Variants in PTGES3 observed in about 807,000 individuals in gnomAD.
The protein encoded by PTGES3 is prostaglandin E synthase 3, also known as Hsp90 co-chaperone.
PTGES3 carries 5 observed loss-of-function variants against 29.9 expected under a neutral mutation model. The ratio of observed to expected loss-of-function variants is 0.17; its 90% CI spans 0.09 to 0.35. The LOEUF is 0.35. Among genes scored for constraint, PTGES3 ranks in the 10% least tolerant of loss-of-function variants. The probability of loss-of-function intolerance (pLI) is 1.00; values close to 1 mark genes in which losing one functional copy is unlikely to be tolerated. For synonymous variants in PTGES3, 49 were observed against 57.8 expected (o/e 0.85, Z 0.69); for missense variants, 128 against 190.0 (o/e 0.67, Z 1.92).
At chr12:56,685,048 G>C (rs2137733981) in intron 1 of PTGES3, among the ~76,000 whole-genome samples, 1 of 152,220 alleles carries the variant, frequency 6.6e-6, no homozygotes. Context: ...CTTGAGCCCG[G>C]GAGGTAGAGG....
intron 1 of PTGES3, among the ~76,000 whole-genome samples, chr12:56,675,008 A>G (rs1313526619): frequency 1.4e-5 from 2 of 143,632 alleles, no homozygotes; most frequent in South Asian, 4.5e-4. Flanking sequence ...CGGTCTCAAA[A>G]AAAAAAAAAA....
At chr12:56,666,547 A>AC (rs1190095346) in intron 5 of PTGES3, among the ~76,000 whole-genome samples, 1 of 152,156 alleles carries the variant, frequency 6.6e-6, no homozygotes, top group Non-Finnish European at 1.5e-5. Context: ...AGTAGTGGTT[A>AC]CCTCTGGTGG....
Position 56,685,389 on chromosome 12 carries a change from TTTTTC to T in PTGES3, c.2+2604_2+2608del, listed in dbSNP as rs371687687. ...GAATCACTCGTTTTGAAGGTAGCAT[TTTTTC>T]TTTTCTTTTTTTTTTTTTTTTTTTT... On this transcript the variant is annotated intron_variant, in intron 1 of 7. Transcript: ENST00000262033. Among the ~76,000 whole-genome samples the T allele has an allele frequency of 4.9e-3, 627 of 128,994 alleles. 6 individuals are homozygous for T. The highest frequency in any genetic ancestry group is 0.015 in the African/African-American group (532 of 34,542). The allele number at this position is 128,994 out of a possible 152,430, so 84.6% of individuals were successfully genotyped here.
At chr12:56,685,984 C>T (rs1952825033) in intron 1 of PTGES3, among the ~76,000 whole-genome samples, 1 of 151,920 alleles carries the variant, frequency 6.6e-6, no homozygotes, top group Non-Finnish European at 1.5e-5. Context: ...ACCATATTGG[C>T]CAGGCTGGTC....
At chr12:56,666,352 A>G (rs1951786614) in intron 5 of PTGES3, 86 bp from the exon 6 acceptor site, 5 of 1,465,108 alleles carry the variant, frequency 3.4e-6, no homozygotes, top group East Asian at 5.1e-5. Flanking sequence ...ATAAACCTTA[A>G]GTCTGCCACA....
At chr12:56,686,268 C>G (rs1303353526) in intron 1 of PTGES3, among the ~76,000 whole-genome samples, 1 of 152,176 alleles carries the variant, frequency 6.6e-6, no homozygotes, top group African/African-American at 2.4e-5. Context: ...CAAAAAATTT[C>G]CCCTTACAGA....
chr12:56,688,075 C>A lies in PTGES3; in HGVS notation c.-76G>T, dbSNP rs922256768. The A allele has an allele frequency of 6.9e-7, 1 of 1,447,248 alleles. No individual in the cohort carries two copies. Among genetic ancestry groups the A allele is most frequent in the East Asian group, 2.7e-5 (1 of 36,408 alleles). The allele number at this position is 1,447,248 out of a possible 1,614,324, so 89.7% of individuals were successfully genotyped here. ...GCGGCTGCTGCTAGGGAGTCGACTT[C>A]TCTCCGGTGGCGACTCCGCTTTTTC... On this transcript the variant is annotated 5_prime_UTR_variant, in exon 1 of 8. Coordinates refer to ENST00000262033, the MANE Select transcript of PTGES3 (RefSeq NM_006601.7).
intron 1 of PTGES3, among the ~76,000 whole-genome samples, chr12:56,676,349 GTAAC>G (rs368545670): frequency 6.6e-6 from 1 of 151,716 alleles, no homozygotes; most frequent in African/African-American, 2.4e-5. Context: ...TTATTGCAAA[GTAAC>G]TAACCATGTC....
rs771409223 is a variant in PTGES3, at chr12:56,663,398, T to G, written c.*1081A>C. 4 of 152,198 alleles carry G rather than the reference T, an allele frequency of 2.6e-5. No homozygotes were observed. Among genetic ancestry groups the G allele is most frequent in the Admixed American group, 6.5e-5 (1 of 15,278 alleles). The allele number at this position is 152,198 out of a possible 1,614,324, so 9.4% of individuals were successfully genotyped here. On this transcript the variant is annotated 3_prime_UTR_variant, in exon 8 of 8. Coordinates refer to ENST00000262033, the MANE Select transcript of PTGES3 (RefSeq NM_006601.7). ...TTATTTCAATCAAATCACACAACAC[T>G]TTCTTTTCCAACTGCTGCAAAGTGC...
chr12:56,673,954 ACT>A (rs1282840023), intron 1 of PTGES3, among the ~76,000 whole-genome samples: 1 of 151,836 alleles, frequency 6.6e-6, no homozygotes, highest in Non-Finnish European at 1.5e-5. Flanking sequence ...GGCAACAGAG[ACT>A]CTGTCTCAAA....
At chr12:56,685,696 G>A (rs1306040714) in intron 1 of PTGES3, among the ~76,000 whole-genome samples, 2 of 150,974 alleles carry the variant, frequency 1.3e-5, no homozygotes, top group Non-Finnish European at 2.9e-5. Flanking sequence ...CACCCCGCCC[G>A]GCATGAAAGT....
intron 1 of PTGES3, chr12:56,687,671 C>A: frequency 7.9e-7 from 1 of 1,258,898 alleles, no homozygotes; most frequent in South Asian, 2.0e-5. Context: ...TTCAGGGCGC[C>A]GCATGGCGAG....
At chr12:56,684,918 C>G (rs1478368177) in intron 1 of PTGES3, among the ~76,000 whole-genome samples, 1 of 152,060 alleles carries the variant, frequency 6.6e-6, no homozygotes, top group Admixed American at 6.6e-5. Flanking sequence ...CACTCCCAAG[C>G]CTTTAAGACA....
rs1254102370 is a variant in PTGES3 at position 56,664,430 on chromosome 12, G to C, written c.*49C>G. 1 of 1,592,090 alleles carries C rather than the reference G, an allele frequency of 6.3e-7. No homozygotes were observed. Among genetic ancestry groups the C allele is most frequent in the African/African-American group, 1.4e-5 (1 of 74,056 alleles). ...GGAATTCTCTCAATTATGAAATCTT[G>C]CAGAGAAGTTATTTTTCTTTCTCAA... On this transcript the variant is annotated 3_prime_UTR_variant, in exon 8 of 8. Coordinates refer to ENST00000262033, the MANE Select transcript of PTGES3 (RefSeq NM_006601.7).
chr12:56,663,859 A>C lies in PTGES3; in HGVS notation c.*620T>G, dbSNP rs1180871828. ...TAAGAGATGTAAAAGCTTAAGGGTCAAACAATACCAATTGTATAGGCTTCA... is the reference window on the plus strand; with the variant it reads ...TAAGAGATGTAAAAGCTTAAGGGTCCAACAATACCAATTGTATAGGCTTCA... On this transcript the variant is annotated 3_prime_UTR_variant, in exon 8 of 8. Transcript: ENST00000262033. The C allele has an allele frequency of 6.5e-6, 1 of 152,820 alleles. No individual in the cohort carries two copies. Among genetic ancestry groups the C allele is most frequent in the Non-Finnish European group, 1.5e-5 (1 of 68,150 alleles). 9.5% of individuals were successfully genotyped at this position (152,820 alleles called of 1,614,324 possible).
intron 1 of PTGES3, among the ~76,000 whole-genome samples, chr12:56,686,353 A>C (rs1952850750): frequency 6.9e-6 from 1 of 144,586 alleles, no homozygotes; most frequent in Admixed American, 7.3e-5. Flanking sequence ...GAAAAGCAAA[A>C]ACTATTTTAT....
At chr12:56,666,882 C>T (rs1592239875) in intron 5 of PTGES3, among the ~76,000 whole-genome samples, 1 of 152,322 alleles carries the variant, frequency 6.6e-6, no homozygotes, top group Admixed American at 6.5e-5. Flanking sequence ...CCACCTTGGC[C>T]TCCCAAAGTG....
intron 6 of PTGES3, chr12:56,665,215 G>GGAACATCCTGT: frequency 1.0e-6 from 1 of 984,946 alleles, no homozygotes; most frequent in Non-Finnish European, 1.2e-6. Flanking sequence ...TTAACAGGAT[G>GGAACATCCTGT]CTGGGGTTGG....
intron 1 of PTGES3, chr12:56,687,438 C>A: frequency 1.0e-6 from 1 of 987,836 alleles, no homozygotes; most frequent in South Asian, 4.6e-5. Context: ...AACCCAGACA[C>A]TGGAGAGGGA....
Sources: gnomAD v4.1 joint callset for allele counts (sites outside exome capture counted in the v4.1 genomes callset) on GRCh38, gnomAD v4.1.1 for gene constraint, MANE v1.5 for transcripts, NCBI Gene and HGNC (gene_info 2026-07-23, HGNC 2026-07-21) for gene names.